DNAJB6: variants seen among roughly 807,000 people sequenced by gnomAD.
The protein encoded by DNAJB6 is DnaJ heat shock protein family (Hsp40) member B6, also known as dnaJ homolog subfamily B member 6.
In DNAJB6, 16 loss-of-function variants were observed where a neutral mutation model predicts 42.7. The observed-to-expected ratio is 0.37, with a 90% confidence interval of 0.25 to 0.57. DNAJB6 has a LOEUF of 0.57. DNAJB6 is among the 20% of genes least tolerant of loss of function. The probability of loss-of-function intolerance (pLI) is 0.74; values close to 1 mark genes in which losing one functional copy is unlikely to be tolerated. For missense variants in DNAJB6, 347 were observed against 416.8 expected (o/e 0.83, Z 1.46); for synonymous variants, 170 against 163.5 (o/e 1.04, Z -0.30).
intron 4 of DNAJB6, 68 bp downstream of exon 4, chr7:157,366,629 A>C: frequency 6.9e-7 from 1 of 1,453,440 alleles, no homozygotes. Flanking sequence ...GTAAATCACG[A>C]GTCTCTTGGT....
intron 5 of DNAJB6, among the ~76,000 whole-genome samples, chr7:157,368,359 C>T (rs913528749): frequency 3.3e-5 from 5 of 152,112 alleles, no homozygotes. Context: ...ACATCATATT[C>T]CTGGTAAAAT....
chr7:157,365,343 A>G lies in DNAJB6; in HGVS notation c.176-1159A>G, dbSNP rs181051081. On this transcript the variant is annotated intron_variant, in intron 3 of 9. Transcript: ENST00000262177. ...GTTTTTGTTCTGGGATATAAGTAGC[A>G]TTTGGAATGTAAGTGTGAAGACTGT... is the stretch of plus-strand genomic sequence containing the variant. 7.2e-5 allele frequency among the ~76,000 whole-genome samples: 11 copies of G among 152,348 alleles called. No individual in the cohort carries two copies. The East Asian group carries it at 9.7e-4, about 13-fold the overall frequency.
intron 8 of DNAJB6, among the ~76,000 whole-genome samples, chr7:157,400,290 C>T (rs28689130): frequency 0.012 from 1,232 of 101,760 alleles, 6 homozygotes; most frequent in African/African-American, 0.018. Flanking sequence ...CGGGTCCCCG[C>T]GCCTTCGTGT....
chr7:157,338,912 G>A (rs1358817730), intron 1 of DNAJB6, among the ~76,000 whole-genome samples: 2 of 152,148 alleles, frequency 1.3e-5, no homozygotes, highest in African/African-American at 4.8e-5. Flanking sequence ...GAGAAAGTTG[G>A]GAATTCCAGA....
intron 8 of DNAJB6, among the ~76,000 whole-genome samples, chr7:157,409,582 A>AT (rs1197921533): frequency 5.3e-5 from 8 of 152,154 alleles, no homozygotes; most frequent in African/African-American, 1.9e-4. Context: ...GAGAGGGGTG[A>AT]TTTTCTGATG....
At chr7:157,345,646 G>A (rs540134632) in intron 1 of DNAJB6, among the ~76,000 whole-genome samples, 8 of 152,142 alleles carry the variant, frequency 5.3e-5, no homozygotes, top group African/African-American at 1.4e-4. Flanking sequence ...TGTCTGTTTC[G>A]GCTTTTGTTC....
rs1035253706 is a variant in DNAJB6, at chr7:157,416,719, T to C, written c.*621T>C. The stretch of plus-strand genomic sequence containing the variant: ...TGCAAATTCAACTTCAAATATGGTG[T>C]AGGTTTTGCTAGATTCCATATTTTT... On this transcript the variant is annotated 3_prime_UTR_variant, in exon 10 of 10. Coordinates refer to ENST00000262177, the MANE Select transcript of DNAJB6 (RefSeq NM_058246.4). The C allele has an allele frequency of 6.6e-6, 1 of 152,240 alleles. No homozygotes were observed. The highest frequency in any genetic ancestry group is 2.4e-5 in the African/African-American group (1 of 41,452). The allele number at this position is 152,240 out of a possible 1,614,324, so 9.4% of individuals were successfully genotyped here. A position where few individuals can be genotyped will look rare whatever the true frequency, so the allele number is the denominator to read the frequency against.
At chr7:157,398,928 GTAAAT>G (rs1801721874) in intron 8 of DNAJB6, among the ~76,000 whole-genome samples, 1 of 152,172 alleles carries the variant, frequency 6.6e-6, no homozygotes, top group Non-Finnish European at 1.5e-5. Context: ...ACAATTAGTG[GTAAAT>G]TTCCAAAGAA....
intron 1 of DNAJB6, among the ~76,000 whole-genome samples, chr7:157,340,995 T>C (rs183597790): frequency 0.31 from 30,331 of 99,124 alleles, 3,296 homozygotes; most frequent in African/African-American, 0.37. Flanking sequence ...TGTGTGTGTG[T>C]GTGCGCGCGC....
intron 1 of DNAJB6, among the ~76,000 whole-genome samples, chr7:157,338,529 T>C (rs1014208789): frequency 6.6e-6 from 1 of 152,174 alleles, no homozygotes; most frequent in African/African-American, 2.4e-5. Flanking sequence ...AGACGGGGGT[T>C]TCACCGTGTT....
At chr7:157,353,916 G>C (rs1799138866) in intron 1 of DNAJB6, among the ~76,000 whole-genome samples, 1 of 151,978 alleles carries the variant, frequency 6.6e-6, no homozygotes, top group African/African-American at 2.4e-5. Flanking sequence ...CTCCTGCCTT[G>C]GCCTCCCAAA....
intron 2 of DNAJB6, among the ~76,000 whole-genome samples, chr7:157,359,957 CTG>C (rs1265703094): frequency 1.3e-5 from 2 of 152,236 alleles, no homozygotes; most frequent in South Asian, 2.1e-4. Flanking sequence ...GTTTCCCACA[CTG>C]TGAGGAAGCC....
chr7:157,370,569 G>C (rs533768381), intron 5 of DNAJB6, among the ~76,000 whole-genome samples: 1 of 152,196 alleles, frequency 6.6e-6, no homozygotes, highest in South Asian at 2.1e-4. Context: ...TACTTGTAAA[G>C]AAGGTATAGA....
chr7:157,352,992 G>T (rs1350825021), intron 1 of DNAJB6, among the ~76,000 whole-genome samples: 3 of 152,076 alleles, frequency 2.0e-5, no homozygotes, highest in Non-Finnish European at 4.4e-5. Context: ...ATGAACTCAA[G>T]AATTTTAAAT....
At chr7:157,353,700 C>G (rs1328045612) in intron 1 of DNAJB6, among the ~76,000 whole-genome samples, 1 of 151,278 alleles carries the variant, frequency 6.6e-6, no homozygotes, top group East Asian at 1.9e-4. Flanking sequence ...CGTTCTGTTG[C>G]CTGTGCTGGA....
At chr7:157,347,209 T>C (rs1798733771) in intron 1 of DNAJB6, among the ~76,000 whole-genome samples, 1 of 152,256 alleles carries the variant, frequency 6.6e-6, no homozygotes, top group South Asian at 2.1e-4. Flanking sequence ...ATTTATATTC[T>C]AAATTTGTTA....
chr7:157,407,616 CCTGTG>C (rs1238535950), intron 8 of DNAJB6, among the ~76,000 whole-genome samples: 2 of 152,126 alleles, frequency 1.3e-5, no homozygotes, highest in Admixed American at 1.3e-4. Context: ...CCTGGGAGCA[CCTGTG>C]CTGAGTCTCT....
chr7:157,361,145 T>C (rs1422145942), intron 2 of DNAJB6, among the ~76,000 whole-genome samples: 2 of 150,684 alleles, frequency 1.3e-5, no homozygotes, highest in East Asian at 4.0e-4. Context: ...TAGGGTTATT[T>C]GATCCACTGC....
At chr7:157,355,153 A>C (rs1331474401) in intron 1 of DNAJB6, among the ~76,000 whole-genome samples, 1 of 152,026 alleles carries the variant, frequency 6.6e-6, no homozygotes, top group Non-Finnish European at 1.5e-5. Flanking sequence ...AGTTTCTTTT[A>C]TTTATTTATT....
Sources: allele counts gnomAD v4.1 joint callset (sites outside exome capture counted in the v4.1 genomes callset), GRCh38; gene constraint gnomAD v4.1.1; transcripts MANE v1.5; gene names NCBI Gene and HGNC (gene_info 2026-07-23, HGNC 2026-07-21).